Variants in KCNIP4 observed in about 807,000 individuals in gnomAD.
KCNIP4 encodes the protein potassium voltage-gated channel interacting protein 4.
A neutral mutation model predicts 34.0 loss-of-function variants in KCNIP4; 12 were observed. The ratio of observed to expected loss-of-function variants is 0.35; its 90% CI spans 0.23 to 0.57. KCNIP4 has a LOEUF of 0.57. Ranked by LOEUF, KCNIP4 falls within the 20% of genes least tolerant of loss-of-function variation. The probability of loss-of-function intolerance (pLI) is 0.83; values close to 1 mark genes in which losing one functional copy is unlikely to be tolerated. For synonymous variants in KCNIP4, 124 were observed against 102.2 expected (o/e 1.21, Z -1.29); for missense variants, 238 against 311.7 (o/e 0.76, Z 1.78).
intron 1 of KCNIP4, among the ~76,000 whole-genome samples, chr4:21,922,370 CACA>C (rs1222336547): frequency 1.3e-5 from 2 of 152,292 alleles, no homozygotes; most frequent in East Asian, 3.9e-4. Flanking sequence ...GTTTCCTAGA[CACA>C]ATACACATGC....
chr4:21,201,489 T>C (rs1756490112), intron 1 of KCNIP4, among the ~76,000 whole-genome samples: 1 of 152,196 alleles, frequency 6.6e-6, no homozygotes, highest in South Asian at 2.1e-4. Flanking sequence ...GATCATCTAC[T>C]GCCCATTTAT....
chr4:21,380,135 T>A (rs1721345388), intron 1 of KCNIP4, among the ~76,000 whole-genome samples: 1 of 152,052 alleles, frequency 6.6e-6, no homozygotes, highest in African/African-American at 2.4e-5. Flanking sequence ...GATAAAGAAG[T>A]AGGAAAAGGC....
At chr4:21,812,409 G>A (rs1721715185) in intron 1 of KCNIP4, among the ~76,000 whole-genome samples, 1 of 152,100 alleles carries the variant, frequency 6.6e-6, no homozygotes, top group Non-Finnish European at 1.5e-5. Context: ...GCAAATAAAT[G>A]CAAGATTTCT....
intron 1 of KCNIP4, among the ~76,000 whole-genome samples, chr4:21,326,270 T>C (rs1439458850): frequency 6.8e-6 from 1 of 147,994 alleles, no homozygotes; most frequent in Non-Finnish European, 1.5e-5. Flanking sequence ...TACATCTGGG[T>C]GCTCTAGAGT....
At chr4:21,299,708 C>T (rs1764050178) in intron 1 of KCNIP4, among the ~76,000 whole-genome samples, 1 of 152,134 alleles carries the variant, frequency 6.6e-6, no homozygotes, top group Non-Finnish European at 1.5e-5. Context: ...TCTCTGGCCC[C>T]TTGGTCCTTA....
At chr4:21,093,861 T>A (rs2109050463) in intron 1 of KCNIP4, among the ~76,000 whole-genome samples, 1 of 152,122 alleles carries the variant, frequency 6.6e-6, no homozygotes, top group East Asian at 1.9e-4. Context: ...GGCGGGAGGA[T>A]CACAAGGTGA....
intron 1 of KCNIP4, among the ~76,000 whole-genome samples, chr4:21,554,810 G>T (rs1738860386): frequency 6.6e-6 from 1 of 151,970 alleles, no homozygotes; most frequent in Non-Finnish European, 1.5e-5. Flanking sequence ...TTTTCTGACT[G>T]TACAGTTCTT....
intron 1 of KCNIP4, among the ~76,000 whole-genome samples, chr4:21,666,358 G>A (rs1414264613): frequency 6.6e-6 from 1 of 152,134 alleles, no homozygotes; most frequent in East Asian, 1.9e-4. Context: ...CATTGCAACG[G>A]ATCATCTCCC....
intron 1 of KCNIP4, among the ~76,000 whole-genome samples, chr4:21,349,913 T>G (rs557860920): frequency 3.3e-5 from 5 of 152,172 alleles, no homozygotes; most frequent in Non-Finnish European, 5.9e-5. Context: ...TTCTCAAACT[T>G]ATGTTTCTGT....
At chr4:20,802,275 CTA>C (rs143579794) in intron 3 of KCNIP4, among the ~76,000 whole-genome samples, 11 of 63,044 alleles carry the variant, frequency 1.7e-4, no homozygotes, top group South Asian at 5.5e-4. Context: ...TATATATATG[CTA>C]TATATATATG....
chr4:21,595,240 T>C (rs745825775), intron 1 of KCNIP4, among the ~76,000 whole-genome samples: 3 of 152,102 alleles, frequency 2.0e-5, no homozygotes, highest in Non-Finnish European at 4.4e-5. Flanking sequence ...GAACATGAGA[T>C]GTTTGGTTTT....
intron 1 of KCNIP4, among the ~76,000 whole-genome samples, chr4:21,483,384 T>A (rs968924259): frequency 6.6e-6 from 1 of 152,136 alleles, no homozygotes; most frequent in East Asian, 1.9e-4. Flanking sequence ...TCCCTGATGC[T>A]ACAGGTGGGG....
chr4:21,407,106 C>A (rs2109574228), intron 1 of KCNIP4, among the ~76,000 whole-genome samples: 1 of 152,024 alleles, frequency 6.6e-6, no homozygotes, highest in African/African-American at 2.4e-5. Context: ...TGACAAGGAT[C>A]TCCTCTCATC....
chr4:21,054,561 G>GA (rs1743239612), intron 1 of KCNIP4, among the ~76,000 whole-genome samples: 1 of 150,498 alleles, frequency 6.6e-6, no homozygotes, highest in Admixed American at 6.7e-5. Flanking sequence ...GAATGGAATA[G>GA]AAAAAAGAAT....
At chr4:20,894,309 T>C (rs1479425033) in intron 1 of KCNIP4, among the ~76,000 whole-genome samples, 1 of 152,164 alleles carries the variant, frequency 6.6e-6, no homozygotes, top group African/African-American at 2.4e-5. Context: ...CACAAATAAA[T>C]TGATTCTTAA....
intron 1 of KCNIP4, among the ~76,000 whole-genome samples, chr4:21,380,438 A>AGGGAGG (rs1560347715): frequency 4.7e-5 from 1 of 21,322 alleles, no homozygotes; most frequent in Non-Finnish European, 1.1e-4. Flanking sequence ...GATGAGGGAG[A>AGGGAGG]GGGAGGGAGA....
chr4:21,836,175 G>A (rs1369370661), intron 1 of KCNIP4, among the ~76,000 whole-genome samples: 1 of 152,102 alleles, frequency 6.6e-6, no homozygotes, highest in Non-Finnish European at 1.5e-5. Context: ...AGGTTCTTAA[G>A]TTTAAGTGGT....
chr4:21,345,836 C>T (rs1262344026), intron 1 of KCNIP4, among the ~76,000 whole-genome samples: 1 of 151,726 alleles, frequency 6.6e-6, no homozygotes, highest in Non-Finnish European at 1.5e-5. Context: ...GTTATCCACT[C>T]ATTAGTTAGA....
intron 3 of KCNIP4, among the ~76,000 whole-genome samples, chr4:20,826,212 G>A (rs1277943376): frequency 6.6e-6 from 1 of 152,122 alleles, no homozygotes; most frequent in African/African-American, 2.4e-5. Flanking sequence ...TCATACTTTG[G>A]GACCAGGAGA....
Sources: gnomAD v4.1 joint callset for allele counts (sites outside exome capture counted in the v4.1 genomes callset) on GRCh38, gnomAD v4.1.1 for gene constraint, MANE v1.5 for transcripts, NCBI Gene and HGNC (gene_info 2026-07-23, HGNC 2026-07-21) for gene names.